MKRN1: variants seen among roughly 807,000 people sequenced by gnomAD.
MKRN1 encodes E3 ubiquitin-protein ligase makorin-1.
In MKRN1, 9 loss-of-function variants were observed where a neutral mutation model predicts 55.5. The observed-to-expected ratio is 0.16, with a 90% CI of 0.10 to 0.28. MKRN1 has a LOEUF of 0.28. Among genes scored for constraint, MKRN1 ranks in the 10% least tolerant of loss-of-function variants. The probability of loss-of-function intolerance (pLI) is 1.00; values close to 1 mark genes in which losing one functional copy is unlikely to be tolerated. For missense variants in MKRN1, 488 were observed against 626.7 expected (o/e 0.78, Z 2.36); for synonymous variants, 253 against 235.9 (o/e 1.07, Z -0.66).
At chr7:140,474,783 A>G (rs1201221775) in intron 1 of MKRN1, among the ~76,000 whole-genome samples, 2 of 150,886 alleles carry the variant, frequency 1.3e-5, no homozygotes, top group Admixed American at 1.3e-4. Context: ...CAGTGGTGCA[A>G]TCTTGGCTCA....
chr7:140,476,887 C>T (rs756016515), intron 1 of MKRN1, among the ~76,000 whole-genome samples: 2 of 152,010 alleles, frequency 1.3e-5, no homozygotes, highest in Non-Finnish European at 2.9e-5. Context: ...CAAGACCAGC[C>T]TGACCAACAC....
rs368688966 is a variant in MKRN1 at position 140,479,276 on chromosome 7, C to G, written c.69G>C (p.Ala23=). 4.9e-5 allele frequency: 68 copies of G among 1,389,116 alleles called. No homozygotes were observed. Among genetic ancestry groups the G allele is most frequent in the Non-Finnish European group, 6.3e-5 (67 of 1,071,922 alleles). 86.0% of individuals were successfully genotyped at this position (1,389,116 alleles called of 1,614,324 possible). ...TSGAGAAAAT[A]AAASPTPIPT... is the part of the protein sequence containing the mutation. Reference sequence around the variant, plus strand: ...GGATCGGGGTGGGGGAGGCTGCTGCCGCCGTCGCCGCTGCCGCTCCTGCTC... The same window carrying G: ...GGATCGGGGTGGGGGAGGCTGCTGCGGCCGTCGCCGCTGCCGCTCCTGCTC... Residue 23 remains alanine (A), a synonymous_variant, in exon 1 of 8, where the codon GCG becomes GCC. Transcript: ENST00000255977.
At chr7:140,478,676 G>A (rs1218810711) in intron 1 of MKRN1, 1 of 152,788 alleles carries the variant, frequency 6.5e-6, no homozygotes, top group Non-Finnish European at 1.5e-5. Flanking sequence ...GGAGAGAGGA[G>A]AGGGCCGGGA....
In MKRN1 at chr7:140,465,899, G is replaced by A. The variant is rs184674199; in HGVS notation, c.315-5963C>T. On this transcript the variant is annotated intron_variant, in intron 2 of 7. Coordinates refer to ENST00000255977, the MANE Select transcript of MKRN1 (RefSeq NM_013446.4). ...GATCGAGACCATCCTGGCCAACATGGTGAAACCCTGTCTTTACTAAAATAC... is the reference window on the plus strand; with the variant it reads ...GATCGAGACCATCCTGGCCAACATGATGAAACCCTGTCTTTACTAAAATAC... Among the ~76,000 whole-genome samples the A allele has an allele frequency of 1.8e-4, 27 of 152,186 alleles. No homozygotes were observed. The East Asian group carries it at 4.6e-3, about 26-fold the overall frequency.
chr7:140,478,821 G>A (rs1035742480), intron 1 of MKRN1: 4 of 184,298 alleles, frequency 2.2e-5, no homozygotes, highest in Admixed American at 1.2e-4. Flanking sequence ...CAGCGGCAGG[G>A]GAGGAGCCAG....
chr7:140,455,978 G>T, intron 5 of MKRN1, 78 bp from the exon 6 acceptor site: 1 of 1,277,756 alleles, frequency 7.8e-7, no homozygotes, highest in Admixed American at 1.8e-5. Flanking sequence ...CTGGTGTGTC[G>T]CCTCCAGACT....
At chr7:140,468,516 C>G (rs1389570087) in intron 2 of MKRN1, among the ~76,000 whole-genome samples, 2 of 151,582 alleles carry the variant, frequency 1.3e-5, no homozygotes, top group African/African-American at 2.4e-5. Flanking sequence ...GCCTGGCCAA[C>G]ATGGTGAAAC....
chr7:140,454,634 C>T lies in MKRN1; in HGVS notation c.1332G>A (p.Leu444=). The change falls in exon 8 of 8, where the codon CTG becomes CTA. Residue 444 remains leucine (L), a synonymous_variant. Transcript: ENST00000255977. ...CCAAAAGCATAAGCAACATCTCGCCCAGCTCAAAGGTGACAACCTCTTCTT... is the reference window on the plus strand; with the variant it reads ...CCAAAAGCATAAGCAACATCTCGCCTAGCTCAAAGGTGACAACCTCTTCTT... ...NDEEEVVTFE[L]GEMLLMLLAA... 6.2e-7 allele frequency: 1 copy of T among 1,613,964 alleles called. No individual in the cohort carries two copies. The highest frequency in any genetic ancestry group is 8.5e-7 in the Non-Finnish European group (1 of 1,179,856).
chr7:140,471,478 A>T (rs1563095162), intron 2 of MKRN1, among the ~76,000 whole-genome samples: 1 of 151,206 alleles, frequency 6.6e-6, no homozygotes, highest in Non-Finnish European at 1.5e-5. Flanking sequence ...GCCCTACCCA[A>T]TTTTTTTTTA....
Position 140,468,014 on chromosome 7 carries a change from A to AT in MKRN1, c.314+3868_314+3869insA, listed in dbSNP as rs1187682365. On this transcript the variant is annotated intron_variant, in intron 2 of 7. Coordinates refer to ENST00000255977, the MANE Select transcript of MKRN1 (RefSeq NM_013446.4). ...CGAAATTCTGTCTCAAAAAAAAAAA[A>AT]AAAAAAATGCAGAGGCTTAGCACAG... Among the ~76,000 whole-genome samples the AT allele has an allele frequency of 3.7e-3, 558 of 151,976 alleles. 7 individuals carry two copies. The highest frequency in any genetic ancestry group is 0.013 in the African/African-American group (535 of 41,392).
At chr7:140,455,938 T>C in intron 5 of MKRN1, 38 bp from the exon 6 acceptor site, 3 of 1,531,742 alleles carry the variant, frequency 2.0e-6, no homozygotes, top group Non-Finnish European at 2.7e-6. Context: ...CAAATTCCCC[T>C]TTTACAGGCC....
At chr7:140,476,695 TGGAACTGAGGAAA>T (rs1795128014) in intron 1 of MKRN1, among the ~76,000 whole-genome samples, 1 of 151,734 alleles carries the variant, frequency 6.6e-6, no homozygotes, top group Non-Finnish European at 1.5e-5. Context: ...TTCATGATAC[TGGAACTGAGGAAA>T]GAAACTGAGG....
At chr7:140,469,156 C>T (rs978735758) in intron 2 of MKRN1, among the ~76,000 whole-genome samples, 5 of 151,990 alleles carry the variant, frequency 3.3e-5, no homozygotes, top group Non-Finnish European at 2.9e-5. Context: ...GAAACCCCGT[C>T]TATACTAAAA....
Position 140,463,809 on chromosome 7 carries a change from T to C in MKRN1, c.315-3873A>G, listed in dbSNP as rs370877096. Among the ~76,000 whole-genome samples, 652 of 151,900 alleles carry C rather than the reference T, an allele frequency of 4.3e-3. 9 individuals are homozygous for C. The highest frequency in any genetic ancestry group is 0.027 in the South Asian group (131 of 4,788). On this transcript the variant is annotated intron_variant, in intron 2 of 7. Transcript: ENST00000255977. ...CTGAGGGAGGAGAATGGCGTGAACC[T>C]GGGAGGCGGAGCTTCCAGTGAGAGA...
chr7:140,455,013 T>C, intron 7 of MKRN1, 82 bp downstream of exon 7: 1 of 1,555,138 alleles, frequency 6.4e-7, no homozygotes, highest in Admixed American at 1.8e-5. Context: ...GCGTTAACCT[T>C]CTCCTTCCCC....
At chr7:140,478,620 G>A (rs4427086) in intron 1 of MKRN1, 23,981 of 151,732 alleles carry the variant, frequency 0.16, 2,247 homozygotes, top group African/African-American at 0.26. Flanking sequence ...AGGATGGGGG[G>A]CGGAGGGACG....
chr7:140,470,485 T>A (rs531359850), intron 2 of MKRN1, among the ~76,000 whole-genome samples: 13 of 150,644 alleles, frequency 8.6e-5, no homozygotes, highest in Non-Finnish European at 1.6e-4. Context: ...CTCCGGAAGA[T>A]GAGGCAGGAG....
intron 2 of MKRN1, among the ~76,000 whole-genome samples, chr7:140,466,195 C>T (rs771605436): frequency 5.3e-5 from 8 of 152,180 alleles, no homozygotes; most frequent in Admixed American, 3.9e-4. Flanking sequence ...CCACAATCAA[C>T]CTTTTAATAA....
intron 3 of MKRN1, 108 bp downstream of exon 3, chr7:140,459,599 A>C: frequency 9.0e-7 from 1 of 1,109,468 alleles, no homozygotes; most frequent in Non-Finnish European, 1.3e-6. Context: ...TACTAAGATT[A>C]AACTAAAAAA....
Sources: allele counts gnomAD v4.1 joint callset (sites outside exome capture counted in the v4.1 genomes callset), GRCh38; gene constraint gnomAD v4.1.1; transcripts MANE v1.5; gene names NCBI Gene and HGNC (gene_info 2026-07-23, HGNC 2026-07-21).